Variants in THSD7B observed in about 807,000 individuals in gnomAD.
THSD7B encodes the protein thrombospondin type-1 domain-containing protein 7B.
THSD7B carries 138 observed loss-of-function variants against 213.6 expected under a neutral mutation model. That is an observed-to-expected ratio of 0.65 (90% CI 0.56 to 0.74). The LOEUF (loss-of-function observed/expected upper bound fraction) is 0.74, where lower values mean the gene tolerates loss of function less well. Ranked by LOEUF, THSD7B falls within the 30% of genes least tolerant of loss-of-function variation. The pLI is 0.00. For synonymous variants in THSD7B, 742 were observed against 687.0 expected, an observed-to-expected ratio of 1.08 and a Z score of -1.25; for missense variants, 1,931 against 1,991.5, an observed-to-expected ratio of 0.97 and a Z score of 0.58.
At position 137,412,597 on chromosome 2, in the gene THSD7B, C is replaced by CAAAAAAAAAA. The variant is rs748551585; in HGVS notation, c.2959+729_2959+738dup. Among the ~76,000 whole-genome samples the CAAAAAAAAAA allele has an allele frequency of 9.5e-4, 23 of 24,084 alleles. 6 individuals are homozygous for CAAAAAAAAAA. Among genetic ancestry groups the CAAAAAAAAAA allele is most frequent in the East Asian group, 3.5e-3 (1 of 284 alleles). The allele number at this position is 24,084 out of a possible 152,430, so 15.8% of individuals were successfully genotyped here. On this transcript the variant is annotated intron_variant, in intron 14 of 27. Transcript: ENST00000409968. ...GGGCAACGAGAGCAAAACTCTGTCT[C>CAAAAAAAAAA]AAAAAAAAAAAAACAAAAAAAAACA...
At chr2:137,366,132 A>G (rs112578034) in intron 12 of THSD7B, among the ~76,000 whole-genome samples, 5,705 of 152,244 alleles carry the variant, frequency 0.037, 374 homozygotes, top group African/African-American at 0.13. Context: ...TGAGCAAACT[A>G]TCGCAAGGAC....
At chr2:137,510,072 T>C (rs1436887863) in intron 15 of THSD7B, among the ~76,000 whole-genome samples, 2 of 152,270 alleles carry the variant, frequency 1.3e-5, no homozygotes, top group Non-Finnish European at 2.9e-5. Flanking sequence ...TTTTACATAG[T>C]CCAAAAATCT....
intron 10 of THSD7B, among the ~76,000 whole-genome samples, chr2:137,265,480 C>G (rs1382075880): frequency 6.6e-6 from 1 of 152,142 alleles, no homozygotes; most frequent in Non-Finnish European, 1.5e-5. Context: ...ACCCAAAGGA[C>G]TATAAATCAT....
In THSD7B at chr2:137,165,848, CA is replaced by C. The variant is rs201775248; in HGVS notation, c.1526-4884del. On this transcript the variant is annotated intron_variant, in intron 6 of 27. Transcript: ENST00000409968. The stretch of plus-strand genomic sequence containing the variant: ...TAAGAGAAAAGCAAGCAAACAACAG[CA>C]AAAAAAAATGAATGTGGAGAGTAGG... 1.3e-3 allele frequency among the ~76,000 whole-genome samples: 186 copies of C among 148,274 alleles called. No individual in the cohort carries two copies. In the East Asian group the frequency reaches 0.018, roughly 15 times the overall value.
At chr2:137,258,842 C>T (rs1682370353) in intron 10 of THSD7B, among the ~76,000 whole-genome samples, 1 of 151,918 alleles carries the variant, frequency 6.6e-6, no homozygotes, top group Non-Finnish European at 1.5e-5. Flanking sequence ...ATGTCCCCCC[C>T]AACCCCTGAC....
chr2:137,192,454 G>A (rs968012217), intron 7 of THSD7B, among the ~76,000 whole-genome samples: 4 of 152,118 alleles, frequency 2.6e-5, no homozygotes, highest in African/African-American at 7.2e-5. Context: ...CTGATAAGGT[G>A]TTATTTGGAA....
intron 15 of THSD7B, among the ~76,000 whole-genome samples, chr2:137,467,749 G>A (rs2105088356): frequency 6.6e-6 from 1 of 152,208 alleles, no homozygotes; most frequent in East Asian, 1.9e-4. Flanking sequence ...TCTCTATGAG[G>A]ATGCAAGTTG....
At chr2:136,978,172 G>T (rs894918884) in intron 2 of THSD7B, among the ~76,000 whole-genome samples, 2 of 152,130 alleles carry the variant, frequency 1.3e-5, no homozygotes, top group African/African-American at 4.8e-5. Flanking sequence ...TATGATTTCA[G>T]TTCCTTTGCA....
chr2:137,031,232 C>G (rs1426401328), intron 2 of THSD7B, among the ~76,000 whole-genome samples: 1 of 152,048 alleles, frequency 6.6e-6, no homozygotes, highest in Non-Finnish European at 1.5e-5. Flanking sequence ...GTAATCCCAG[C>G]TACATGGGAG....
chr2:137,614,160 A>G (rs879591689), intron 17 of THSD7B, among the ~76,000 whole-genome samples: 15 of 152,246 alleles, frequency 9.9e-5, no homozygotes, highest in Non-Finnish European at 1.5e-4. Flanking sequence ...CCGAAACTAT[A>G]TGGTATGAAA....
chr2:137,375,781 A>G (rs371111995), intron 12 of THSD7B, among the ~76,000 whole-genome samples: 5 of 152,242 alleles, frequency 3.3e-5, no homozygotes, highest in Admixed American at 1.3e-4. Context: ...ACATAATTCC[A>G]GCAGCACCTT....
At chr2:137,102,206 T>C (rs888648267) in intron 4 of THSD7B, among the ~76,000 whole-genome samples, 2 of 152,180 alleles carry the variant, frequency 1.3e-5, no homozygotes, top group Non-Finnish European at 2.9e-5. Context: ...CAGGCAGCAA[T>C]CTGCTGTTCT....
intron 4 of THSD7B, among the ~76,000 whole-genome samples, chr2:137,098,952 C>T (rs922165997): frequency 1.3e-5 from 2 of 152,282 alleles, no homozygotes; most frequent in Middle Eastern, 3.4e-3. Context: ...TTTAGAACTA[C>T]ATGAAAATTA....
intron 3 of THSD7B, among the ~76,000 whole-genome samples, chr2:137,087,089 T>TG (rs1459879275): frequency 2.0e-5 from 3 of 152,172 alleles, no homozygotes; most frequent in Admixed American, 1.3e-4. Flanking sequence ...TCTATCTGCA[T>TG]GGTCAACATG....
chr2:137,171,772 C>G (rs1468223008), intron 7 of THSD7B, among the ~76,000 whole-genome samples: 2 of 152,168 alleles, frequency 1.3e-5, no homozygotes, highest in Non-Finnish European at 2.9e-5. Context: ...TCAGAGCACA[C>G]AGGGTTGATA....
At chr2:137,544,642 TA>T (rs1417451126) in intron 15 of THSD7B, among the ~76,000 whole-genome samples, 2 of 151,898 alleles carry the variant, frequency 1.3e-5, no homozygotes, top group East Asian at 3.9e-4. Context: ...AGATGACATT[TA>T]TTTTTAATGA....
chr2:137,190,510 G>A (rs1015276482), intron 7 of THSD7B, among the ~76,000 whole-genome samples: 6 of 152,100 alleles, frequency 3.9e-5, no homozygotes, highest in African/African-American at 1.4e-4. Context: ...CTGCAGCAAG[G>A]GAGCTTGCTC....
intron 7 of THSD7B, among the ~76,000 whole-genome samples, chr2:137,184,925 C>A (rs1486742524): frequency 1.3e-5 from 2 of 152,124 alleles, no homozygotes; most frequent in East Asian, 1.9e-4. Context: ...GGGAAAAGTT[C>A]TTTATTCTCT....
At chr2:137,478,847 A>G (rs1688245420) in intron 15 of THSD7B, among the ~76,000 whole-genome samples, 1 of 152,128 alleles carries the variant, frequency 6.6e-6, no homozygotes. Flanking sequence ...AGTGTCTGTG[A>G]TTTGCTCAGT....
Sources: gnomAD v4.1 joint callset for allele counts (sites outside exome capture counted in the v4.1 genomes callset) on GRCh38, gnomAD v4.1.1 for gene constraint, MANE v1.5 for transcripts, NCBI Gene and HGNC (gene_info 2026-07-23, HGNC 2026-07-21) for gene names.